The following PTPRM variants were observed in gnomAD, a reference collection of about 807,000 sequenced individuals.
The protein encoded by PTPRM is protein tyrosine phosphatase receptor type M, also known as receptor-type tyrosine-protein phosphatase mu.
PTPRM carries 47 observed loss-of-function variants against 186.7 expected under a neutral mutation model. The observed-to-expected ratio is 0.25, with a 90% CI of 0.20 to 0.32. PTPRM has a LOEUF of 0.32. Ranked by LOEUF, PTPRM falls within the 10% of genes least tolerant of loss-of-function variation. PTPRM has a pLI of 1.00. For synonymous variants in PTPRM, 668 were observed against 674.9 expected (o/e 0.99, Z 0.16); for missense variants, 1,494 against 1,865.0 (o/e 0.80, Z 3.66).
chr18:8,309,625 C>T (rs2095252931), intron 20 of PTPRM, among the ~76,000 whole-genome samples: 1 of 152,116 alleles, frequency 6.6e-6, no homozygotes, highest in Non-Finnish European at 1.5e-5. Context: ...GATCCTCCTG[C>T]CTCAGCCTCC....
chr18:7,598,177 A>G (rs1173312497), intron 1 of PTPRM, among the ~76,000 whole-genome samples: 2 of 152,234 alleles, frequency 1.3e-5, no homozygotes, highest in African/African-American at 4.8e-5. Context: ...TATATTGGTC[A>G]GTATTTCTTA....
intron 14 of PTPRM, among the ~76,000 whole-genome samples, chr18:8,226,372 G>A (rs140754895): frequency 1.8e-3 from 264 of 149,414 alleles, no homozygotes; most frequent in African/African-American, 6.1e-3. Context: ...TTCACTACCA[G>A]TATACTCAAG....
intron 7 of PTPRM, among the ~76,000 whole-genome samples, chr18:8,018,826 G>A (rs1454361369): frequency 2.0e-5 from 3 of 152,122 alleles, no homozygotes. Context: ...ATTAATAGTA[G>A]CATGGCCTTG....
At chr18:7,883,517 A>C (rs2048610386) in intron 2 of PTPRM, among the ~76,000 whole-genome samples, 1 of 152,218 alleles carries the variant, frequency 6.6e-6, no homozygotes, top group Non-Finnish European at 1.5e-5. Flanking sequence ...GCCAACTGTA[A>C]CTTTACTGCA....
chr18:7,849,098 T>G (rs1017527178), intron 2 of PTPRM, among the ~76,000 whole-genome samples: 1 of 152,206 alleles, frequency 6.6e-6, no homozygotes, highest in Non-Finnish European at 1.5e-5. Context: ...CTCGTTAATT[T>G]TTTTTGGTAG....
At chr18:8,157,261 G>T (rs999398349) in intron 14 of PTPRM, among the ~76,000 whole-genome samples, 1 of 152,176 alleles carries the variant, frequency 6.6e-6, no homozygotes, top group African/African-American at 2.4e-5. Flanking sequence ...TACCTTTAAA[G>T]TGCTGGCCCC....
chr18:7,930,656 G>GA (rs1218941423), intron 5 of PTPRM, among the ~76,000 whole-genome samples: 1 of 152,150 alleles, frequency 6.6e-6, no homozygotes, highest in Non-Finnish European at 1.5e-5. Context: ...TTTGATAGAA[G>GA]AATTTGGGTG....
chr18:7,656,119 T>C (rs2038841189), intron 1 of PTPRM, among the ~76,000 whole-genome samples: 1 of 152,170 alleles, frequency 6.6e-6, no homozygotes, highest in Non-Finnish European at 1.5e-5. Flanking sequence ...TAAAAGAAAT[T>C]TGCACACACA....
intron 19 of PTPRM, among the ~76,000 whole-genome samples, chr18:8,285,156 T>A (rs1415149996): frequency 3.9e-5 from 6 of 152,232 alleles, no homozygotes; most frequent in Admixed American, 6.5e-5. Flanking sequence ...GCACTTTATA[T>A]ATGCAAGCCA....
chr18:7,729,554 G>A (rs1206703099), intron 1 of PTPRM, among the ~76,000 whole-genome samples: 2 of 152,124 alleles, frequency 1.3e-5, no homozygotes, highest in East Asian at 3.9e-4. Flanking sequence ...AAAAGACTTA[G>A]AAGAATATAG....
chr18:7,810,421 G>A (rs1347086061), intron 2 of PTPRM, among the ~76,000 whole-genome samples: 1 of 152,170 alleles, frequency 6.6e-6, no homozygotes, highest in Non-Finnish European at 1.5e-5. Flanking sequence ...GAAGTACATA[G>A]TTTTCCTTAA....
chr18:8,074,049 C>A (rs1031886287), intron 8 of PTPRM, among the ~76,000 whole-genome samples: 7 of 152,236 alleles, frequency 4.6e-5, no homozygotes, highest in Admixed American at 3.9e-4. Flanking sequence ...TATGAATCAG[C>A]ATTTTTTTTG....
At chr18:7,965,529 T>A (rs2053980874) in intron 7 of PTPRM, among the ~76,000 whole-genome samples, 1 of 152,128 alleles carries the variant, frequency 6.6e-6, no homozygotes, top group Non-Finnish European at 1.5e-5. Context: ...GGTGTGGATG[T>A]AAGGAATTAA....
intron 7 of PTPRM, among the ~76,000 whole-genome samples, chr18:8,037,626 G>T (rs961084334): frequency 6.6e-6 from 1 of 152,004 alleles, no homozygotes; most frequent in Admixed American, 6.6e-5. Flanking sequence ...TAATATCCTA[G>T]CTTCACAAAT....
At chr18:8,220,878 C>G (rs1019795644) in intron 14 of PTPRM, among the ~76,000 whole-genome samples, 1 of 152,146 alleles carries the variant, frequency 6.6e-6, no homozygotes, top group African/African-American at 2.4e-5. Flanking sequence ...TTATTAAACC[C>G]TACATCTCCT....
chr18:8,381,979 A>G (rs1329614124), intron 29 of PTPRM, among the ~76,000 whole-genome samples: 1 of 152,182 alleles, frequency 6.6e-6, no homozygotes, highest in Non-Finnish European at 1.5e-5. Flanking sequence ...CTAAACCCGA[A>G]CTATCTGGAC....
In PTPRM at chr18:8,355,364, A is replaced by G. The variant is rs78968759; in HGVS notation, c.3054+11844A>G. On this transcript the variant is annotated intron_variant, in intron 23 of 32. Coordinates refer to ENST00000580170, the MANE Select transcript of PTPRM (RefSeq NM_001105244.2). ...GAGAGCAAATGAAAATTAATTGGCA[A>G]AGGAGGGAGGGAAGGTGTTCCAGGC... Among the ~76,000 whole-genome samples the G allele has an allele frequency of 4.0e-3, 605 of 152,172 alleles. 19 individuals carry two copies. The East Asian group carries it at 0.082, about 21-fold the overall frequency.
intron 8 of PTPRM, among the ~76,000 whole-genome samples, chr18:8,073,479 G>C (rs908051216): frequency 2.0e-5 from 3 of 152,176 alleles, no homozygotes; most frequent in African/African-American, 7.2e-5. Context: ...TGGAATTCCA[G>C]TGTTCTTAGA....
intron 7 of PTPRM, among the ~76,000 whole-genome samples, chr18:7,981,323 A>G (rs960000506): frequency 1.1e-4 from 17 of 152,182 alleles, no homozygotes; most frequent in Non-Finnish European, 1.5e-4. Flanking sequence ...TTCAGGAACC[A>G]TATCTGCCTG....
Sources: gnomAD v4.1 joint callset for allele counts (sites outside exome capture counted in the v4.1 genomes callset) on GRCh38, gnomAD v4.1.1 for gene constraint, MANE v1.5 for transcripts, NCBI Gene and HGNC (gene_info 2026-07-23, HGNC 2026-07-21) for gene names.